Variants in KDM2A observed in about 807,000 individuals in gnomAD.
The protein encoded by KDM2A is lysine demethylase 2A, also known as lysine-specific demethylase 2A.
A neutral mutation model predicts 137.3 loss-of-function variants in KDM2A; 3 were observed. That is an observed-to-expected ratio of 0.02 (90% CI 0.01 to 0.06). KDM2A has a LOEUF of 0.06. Among genes scored for constraint, KDM2A ranks in the 10% least tolerant of loss-of-function variants. The probability of loss-of-function intolerance (pLI) is 1.00; values close to 1 mark genes in which losing one functional copy is unlikely to be tolerated. For missense variants in KDM2A, 738 were observed against 1,510.6 expected (o/e 0.49, Z 8.48); for synonymous variants, 512 against 541.5 (o/e 0.95, Z 0.76).
rs1335107093 is a variant in KDM2A, at chr11:67,216,702, G to C, written c.687+753G>C. On this transcript the variant is annotated intron_variant, in intron 8 of 20. Coordinates refer to ENST00000529006, the MANE Select transcript of KDM2A (RefSeq NM_012308.3). ...TTGGGAGGCCAAGGCGGGCGGATCA[G>C]CTGAGGTCAGGAGTTCAAGACCAGC... Among the ~76,000 whole-genome samples the C allele has an allele frequency of 2.0e-5, 3 of 150,012 alleles. No individual in the cohort carries two copies. The South Asian group carries it at 6.3e-4, about 32-fold the overall frequency.
intron 11 of KDM2A, among the ~76,000 whole-genome samples, chr11:67,230,092 C>T (rs550600815): frequency 1.9e-4 from 29 of 151,734 alleles, no homozygotes; most frequent in African/African-American, 6.3e-4. Context: ...AGAAGAATGG[C>T]GTGAACCCAG....
chr11:67,202,598 C>T (rs562070589), intron 5 of KDM2A, among the ~76,000 whole-genome samples: 2 of 151,822 alleles, frequency 1.3e-5, no homozygotes, highest in East Asian at 3.9e-4. Flanking sequence ...TGGTGAAACC[C>T]CGTCTCTACT....
chr11:67,154,218 A>G (rs926251958), intron 2 of KDM2A, among the ~76,000 whole-genome samples: 3 of 152,206 alleles, frequency 2.0e-5, no homozygotes, highest in African/African-American at 7.2e-5. Context: ...CTGGCTCGTC[A>G]TTTGATTTTG....
At chr11:67,164,514 G>C (rs1022476219) in intron 2 of KDM2A, among the ~76,000 whole-genome samples, 2 of 151,736 alleles carry the variant, frequency 1.3e-5, no homozygotes, top group Non-Finnish European at 2.9e-5. Context: ...ATGGGACATT[G>C]CTCTTTTACC....
At chr11:67,241,796 C>T (rs537693013) in intron 12 of KDM2A, among the ~76,000 whole-genome samples, 1 of 152,310 alleles carries the variant, frequency 6.6e-6, no homozygotes, top group South Asian at 2.1e-4. Flanking sequence ...TGGCCAGGTG[C>T]AGTGGCTCAT....
intron 2 of KDM2A, among the ~76,000 whole-genome samples, chr11:67,131,345 ACT>A (rs1166071285): frequency 7.0e-6 from 1 of 141,942 alleles, no homozygotes; most frequent in Admixed American, 7.0e-5. Context: ...TAATAATAAC[ACT>A]CTTACTCCAC....
At chr11:67,155,068 G>A (rs1856482694) in intron 2 of KDM2A, among the ~76,000 whole-genome samples, 1 of 152,160 alleles carries the variant, frequency 6.6e-6, no homozygotes, top group Non-Finnish European at 1.5e-5. Flanking sequence ...AGGTTGGAGT[G>A]CAGTGGTGCC....
In KDM2A at chr11:67,245,847, C is replaced by A; in HGVS notation, c.1834-138C>A. ...ATTTTTCCTACCCAAAACCTCCGTT[C>A]TCTCCACCCTGCCTCCATGCTTCCA... On this transcript the variant is annotated intron_variant, in intron 14 of 20. Coordinates refer to ENST00000529006, the MANE Select transcript of KDM2A (RefSeq NM_012308.3). This position sits in a 1 kb window ranked among gnomAD's most constrained non-coding sequence, Gnocchi z 4.1. The A allele has an allele frequency of 9.8e-7, 1 of 1,015,812 alleles. No individual in the cohort carries two copies. The allele number at this position is 1,015,812 out of a possible 1,614,324, so 62.9% of individuals were successfully genotyped here.
At chr11:67,209,958 A>T (rs1210271463) in intron 6 of KDM2A, among the ~76,000 whole-genome samples, 1 of 151,882 alleles carries the variant, frequency 6.6e-6, no homozygotes, top group African/African-American at 2.4e-5. Context: ...TACTCAAGAG[A>T]CCGAGGTGGG....
chr11:67,240,247 G>A (rs1858988602), intron 12 of KDM2A: 2 of 1,535,496 alleles, frequency 1.3e-6, no homozygotes, highest in African/African-American at 2.7e-5. Context: ...AGTAAATCCG[G>A]ATTTTCCCAG....
chr11:67,146,405 C>G (rs1856248772), intron 2 of KDM2A, among the ~76,000 whole-genome samples: 1 of 152,080 alleles, frequency 6.6e-6, no homozygotes, highest in South Asian at 2.1e-4. Flanking sequence ...TCTTATTTAT[C>G]AGAGCATTGA....
intron 5 of KDM2A, among the ~76,000 whole-genome samples, chr11:67,184,396 G>A (rs1303372707): frequency 6.6e-6 from 1 of 152,152 alleles, no homozygotes; most frequent in Non-Finnish European, 1.5e-5. Context: ...TTGGGAGGCC[G>A]AGGCGGGCAT....
chr11:67,130,584 T>C (rs560724613), intron 2 of KDM2A, among the ~76,000 whole-genome samples: 1 of 152,234 alleles, frequency 6.6e-6, no homozygotes, highest in Admixed American at 6.5e-5. Flanking sequence ...GTCAAGGAAT[T>C]GATACATTAT....
At chr11:67,244,436 A>C (rs939801598) in intron 13 of KDM2A, among the ~76,000 whole-genome samples, 2 of 152,168 alleles carry the variant, frequency 1.3e-5, no homozygotes, top group Non-Finnish European at 2.9e-5. Flanking sequence ...TTAGGAGTAT[A>C]ATCTGAGAAG....
At chr11:67,133,001 G>A (rs979692719) in intron 2 of KDM2A, among the ~76,000 whole-genome samples, 6 of 152,190 alleles carry the variant, frequency 3.9e-5, no homozygotes, top group Non-Finnish European at 8.8e-5. Flanking sequence ...TGTAACTGAT[G>A]GATAGCAGCA....
intron 12 of KDM2A, 137 bp from the exon 13 acceptor site, chr11:67,242,872 A>G: frequency 1.7e-6 from 1 of 604,434 alleles, no homozygotes; most frequent in African/African-American, 1.8e-5. Context: ...CTCTATATGA[A>G]GGGCAAATAC....
intron 2 of KDM2A, among the ~76,000 whole-genome samples, chr11:67,140,878 G>A (rs189848784): frequency 2.0e-5 from 3 of 152,254 alleles, no homozygotes; most frequent in Admixed American, 2.0e-4. Context: ...GAGATTCTGG[G>A]TTAACGTCAT....
chr11:67,133,250 C>T (rs1456177282), intron 2 of KDM2A, among the ~76,000 whole-genome samples: 1 of 152,120 alleles, frequency 6.6e-6, no homozygotes, highest in African/African-American at 2.4e-5. Context: ...CAGGCGTGCG[C>T]CACCACACTG....
intron 4 of KDM2A, 23 bp from the exon 5 acceptor site, chr11:67,181,823 A>G: frequency 6.2e-7 from 1 of 1,610,022 alleles, no homozygotes; most frequent in Non-Finnish European, 8.5e-7. Context: ...TTCCATATAT[A>G]CTTACTGGTG....
Sources: allele counts gnomAD v4.1 joint callset (sites outside exome capture counted in the v4.1 genomes callset), GRCh38; gene constraint gnomAD v4.1.1; non-coding constraint Gnocchi (gnomAD v3.1); transcripts MANE v1.5; gene names NCBI Gene and HGNC (gene_info 2026-07-23, HGNC 2026-07-21).